Variants in PTPRO observed in about 807,000 individuals in gnomAD.
PTPRO encodes the protein receptor-type tyrosine-protein phosphatase O.
In PTPRO, 62 loss-of-function variants were observed where a neutral mutation model predicts 145.2. That is an observed-to-expected ratio of 0.43 (90% CI 0.35 to 0.53). The LOEUF is 0.53. Among genes scored for constraint, PTPRO ranks in the 20% least tolerant of loss-of-function variants. The pLI is 0.01. For synonymous variants in PTPRO, 565 were observed against 514.7 expected (o/e 1.10, Z -1.32); for missense variants, 1,345 against 1,482.7 (o/e 0.91, Z 1.53).
chr12:15,538,134 C>T (rs879853716), intron 12 of PTPRO, among the ~76,000 whole-genome samples: 2 of 152,148 alleles, frequency 1.3e-5, no homozygotes, highest in Non-Finnish European at 2.9e-5. Flanking sequence ...CTGGGCCTGA[C>T]ACTAACCAAT....
At position 15,586,953 on chromosome 12, in the gene PTPRO, T is replaced by C. The variant is rs1591772751; in HGVS notation, c.3312T>C (p.Gly1104=). 6.2e-7 allele frequency: 1 copy of C among 1,614,126 alleles called. No homozygotes were observed. Among genetic ancestry groups the C allele is most frequent in the East Asian group, 2.2e-5 (1 of 44,864 alleles). ...HFNYTAWPDH[G]VPTANAAESI... is the part of the protein sequence containing the mutation. Reference sequence around the variant, plus strand: ...ACTACACTGCATGGCCTGATCATGGTGTGCCCACAGCAAATGCTGCAGAAA... The same window carrying C: ...ACTACACTGCATGGCCTGATCATGGCGTGCCCACAGCAAATGCTGCAGAAA... The change falls in exon 24 of 27, where the codon GGT becomes GGC. Residue 1104 remains glycine, a synonymous_variant. Coordinates refer to ENST00000281171, the MANE Select transcript of PTPRO (RefSeq NM_030667.3).
chr12:15,372,276 C>T (rs1938554432), intron 1 of PTPRO, among the ~76,000 whole-genome samples: 1 of 152,112 alleles, frequency 6.6e-6, no homozygotes, highest in Non-Finnish European at 1.5e-5. Flanking sequence ...TATTTGATTA[C>T]CATGAATCTT....
At chr12:15,370,777 C>T (rs563646765) in intron 1 of PTPRO, among the ~76,000 whole-genome samples, 2 of 152,142 alleles carry the variant, frequency 1.3e-5, no homozygotes, top group South Asian at 4.1e-4. Flanking sequence ...GGAATCTAAC[C>T]TGAAGAACTA....
At chr12:15,555,502 A>G (rs12812660) in intron 15 of PTPRO, among the ~76,000 whole-genome samples, 3 of 152,190 alleles carry the variant, frequency 2.0e-5, no homozygotes, top group South Asian at 2.1e-4. Flanking sequence ...TTGCCCCTAT[A>G]TTAGTGGATA....
At chr12:15,571,599 A>C (rs530012323) in intron 19 of PTPRO, among the ~76,000 whole-genome samples, 1 of 152,274 alleles carries the variant, frequency 6.6e-6, no homozygotes, top group Non-Finnish European at 1.5e-5. Flanking sequence ...CCTCTTTTTC[A>C]TAGTGAAAAG....
At chr12:15,557,084 A>G (rs1415964978) in intron 15 of PTPRO, among the ~76,000 whole-genome samples, 1 of 145,930 alleles carries the variant, frequency 6.9e-6, no homozygotes, top group African/African-American at 2.5e-5. Context: ...TCTGTCACCC[A>G]GGCTGGAGTG....
In PTPRO at chr12:15,516,933, A is replaced by G; in HGVS notation, c.1756A>G (p.Thr586Ala). 3 of 1,613,894 alleles carry G rather than the reference A, an allele frequency of 1.9e-6. No individual in the cohort carries two copies. Among genetic ancestry groups the G allele is most frequent in the Non-Finnish European group, 8.5e-7 (1 of 1,179,744 alleles). Residue 586 changes from threonine to alanine, a missense_variant, in exon 9 of 27, where the codon ACT becomes GCT. Physicochemically the swap from Thr to Ala is moderately conservative, Grantham distance 58 (BLOSUM62 0). Around this residue, in one of 3 missense-constraint regions of PTPRO, gnomAD observed 1,130 missense variants for 1,214.7 expected, o/e 0.93. Coordinates refer to ENST00000281171, the MANE Select transcript of PTPRO (RefSeq NM_030667.3). ...EWTTYYEIAA[T>A]VSLTASVRIA... is the part of the protein sequence containing the mutation. ...GACCACCTACTATGAAATAGCAGCA[A>G]CTGTTTCCTTAACTGCATCCGTGGT... is the stretch of plus-strand genomic sequence containing the variant.
intron 1 of PTPRO, among the ~76,000 whole-genome samples, chr12:15,436,875 G>A (rs1252742102): frequency 6.6e-6 from 1 of 152,152 alleles, no homozygotes; most frequent in African/African-American, 2.4e-5. Context: ...ACAGGCAGGA[G>A]GAGAGCTGCT....
intron 12 of PTPRO, among the ~76,000 whole-genome samples, chr12:15,530,798 T>C (rs1220287046): frequency 6.6e-6 from 1 of 151,982 alleles, no homozygotes; most frequent in Non-Finnish European, 1.5e-5. Context: ...ATACACAACC[T>C]AATGATGTAC....
At chr12:15,468,873 T>C (rs574915648) in intron 1 of PTPRO, among the ~76,000 whole-genome samples, 1 of 152,328 alleles carries the variant, frequency 6.6e-6, no homozygotes, top group South Asian at 2.1e-4. Context: ...GGGATCAGTC[T>C]TTCAGAAGAC....
intron 19 of PTPRO, among the ~76,000 whole-genome samples, chr12:15,578,407 T>C (rs1944233781): frequency 6.6e-6 from 1 of 152,206 alleles, no homozygotes; most frequent in African/African-American, 2.4e-5. Context: ...TTATGTGTTG[T>C]ATTAGATAGC....
At position 15,516,793 on chromosome 12, in the gene PTPRO, A is replaced by C; in HGVS notation, c.1616A>C (p.Tyr539Ser). ...VPTGIKDLML[Y>S]PLGPTAVVLS... Reference sequence around the variant, plus strand: ...ACAGGAATAAAGGATTTAATGCTCTATCCTTTGGGTCCTACGGCCGTGGTT... The same window carrying C: ...ACAGGAATAAAGGATTTAATGCTCTCTCCTTTGGGTCCTACGGCCGTGGTT... The change falls in exon 9 of 27, where the codon TAT becomes TCT. Residue 539 changes from tyrosine (Y) to serine (S), a missense_variant. By Grantham distance (144) the Tyr-to-Ser change is moderately radical. Around this residue, in one of 3 missense-constraint regions of PTPRO, gnomAD observed 1,130 missense variants for 1,214.7 expected, o/e 0.93. Coordinates refer to ENST00000281171, the MANE Select transcript of PTPRO (RefSeq NM_030667.3). The C allele has an allele frequency of 1.2e-6, 2 of 1,611,130 alleles. No homozygotes were observed. Among genetic ancestry groups the C allele is most frequent in the Non-Finnish European group, 1.7e-6 (2 of 1,177,262 alleles).
At chr12:15,375,939 G>A (rs1356261738) in intron 1 of PTPRO, among the ~76,000 whole-genome samples, 1 of 152,116 alleles carries the variant, frequency 6.6e-6, no homozygotes, top group Non-Finnish European at 1.5e-5. Context: ...GGTCAACTGA[G>A]ATTACCTAGT....
intron 1 of PTPRO, among the ~76,000 whole-genome samples, chr12:15,323,028 C>T (rs1407797262): frequency 6.6e-6 from 1 of 152,182 alleles, no homozygotes; most frequent in Non-Finnish European, 1.5e-5. Context: ...TTTGCTCCCT[C>T]CGGCTTTCGC....
chr12:15,347,604 A>G (rs899624399), intron 1 of PTPRO, among the ~76,000 whole-genome samples: 3 of 152,344 alleles, frequency 2.0e-5, no homozygotes, highest in Non-Finnish European at 1.5e-5. Context: ...AAACCTTGGC[A>G]CATACAGACA....
At chr12:15,578,693 C>G (rs1387700340) in intron 19 of PTPRO, among the ~76,000 whole-genome samples, 160 bp from the exon 20 acceptor site, 2 of 152,128 alleles carry the variant, frequency 1.3e-5, no homozygotes, top group East Asian at 3.9e-4. Context: ...AGATCATTGG[C>G]CAAAGCAAGT....
chr12:15,486,644 A>G (rs1941893903), intron 2 of PTPRO, among the ~76,000 whole-genome samples: 1 of 152,088 alleles, frequency 6.6e-6, no homozygotes, highest in South Asian at 2.1e-4. Context: ...TACTTAATCC[A>G]TTATATTCAA....
Position 15,587,006 on chromosome 12 carries a change from GACAGCA to G in PTPRO, c.3367_3372del (p.Gln1123_Gln1124del). The G allele has an allele frequency of 6.2e-7, 1 of 1,614,050 alleles. No homozygotes were observed. The highest frequency in any genetic ancestry group is 8.5e-7 in the Non-Finnish European group (1 of 1,179,990). ...ATCCTGCAGTTTGTACACATGGTCC[GACAGCA>G]AGCTACCAAGAGCAAAGGTCCCATG... On this transcript the variant is annotated inframe_deletion, in exon 24 of 27. Transcript: ENST00000281171.
intron 12 of PTPRO, 38 bp downstream of exon 12, chr12:15,526,300 C>T: frequency 6.2e-7 from 1 of 1,610,778 alleles, no homozygotes; most frequent in Non-Finnish European, 8.5e-7. Flanking sequence ...GAAATAATCA[C>T]TAATGTTTGC....
Sources: allele counts gnomAD v4.1 joint callset (sites outside exome capture counted in the v4.1 genomes callset), GRCh38; gene constraint gnomAD v4.1.1; regional missense constraint gnomAD v4.1.1; transcripts MANE v1.5; gene names NCBI Gene and HGNC (gene_info 2026-07-23, HGNC 2026-07-21).